The following KAT6B variants were observed in gnomAD, a reference collection of about 807,000 sequenced individuals.
KAT6B encodes the protein histone acetyltransferase KAT6B.
In KAT6B, 10 loss-of-function variants were observed where a neutral mutation model predicts 187.5. That is an observed-to-expected ratio of 0.05 (90% confidence interval 0.03 to 0.09). KAT6B has a LOEUF of 0.09. Among genes scored for constraint, KAT6B ranks in the 10% least tolerant of loss-of-function variants. The pLI is 1.00. For missense variants in KAT6B, 1,952 were observed against 2,558.9 expected (o/e 0.76, Z 5.12); for synonymous variants, 861 against 926.8 (o/e 0.93, Z 1.29).
At chr10:74,918,773 G>A (rs1847898783) in intron 3 of KAT6B, among the ~76,000 whole-genome samples, 1 of 152,042 alleles carries the variant, frequency 6.6e-6, no homozygotes, top group Non-Finnish European at 1.5e-5. Context: ...TTGAGTAGAG[G>A]TTTGCTGGCA....
intron 3 of KAT6B, among the ~76,000 whole-genome samples, chr10:74,915,354 A>G (rs58729858): frequency 0.023 from 3,429 of 152,232 alleles, 128 homozygotes; most frequent in African/African-American, 0.078. Flanking sequence ...TGTTCCATGC[A>G]CTTGTAGATC....
chr10:74,880,416 T>G lies in KAT6B; in HGVS notation c.621+36938T>G, dbSNP rs545543907. 2.4e-4 allele frequency among the ~76,000 whole-genome samples: 37 copies of G among 152,348 alleles called. No individual in the cohort carries two copies. In the East Asian group the frequency reaches 6.9e-3, roughly 29 times the overall value. ...TGTAGTATGTATCAGTACTTCATTC[T>G]TTATAACTGCCAAATAATAGTTCTT... is the stretch of plus-strand genomic sequence containing the variant. On this transcript the variant is annotated intron_variant, in intron 3 of 17. Transcript: ENST00000287239.
intron 2 of KAT6B, among the ~76,000 whole-genome samples, chr10:74,841,980 G>A (rs1029387514): frequency 6.6e-6 from 1 of 152,230 alleles, no homozygotes; most frequent in African/African-American, 2.4e-5. Context: ...TGGGTATTAA[G>A]ATAACTAGAA....
chr10:74,898,690 C>G (rs1490803682), intron 3 of KAT6B, among the ~76,000 whole-genome samples: 1 of 152,138 alleles, frequency 6.6e-6, no homozygotes, highest in Admixed American at 6.5e-5. Flanking sequence ...GGTGTCCTGG[C>G]TCTGTGTCCC....
At chr10:75,001,427 A>T (rs1428525414) in intron 13 of KAT6B, among the ~76,000 whole-genome samples, 2 of 152,206 alleles carry the variant, frequency 1.3e-5, no homozygotes, top group African/African-American at 4.8e-5. Context: ...GAAGAAAGCC[A>T]CATACTTCAT....
At chr10:74,901,433 T>A (rs1042158782) in intron 3 of KAT6B, among the ~76,000 whole-genome samples, 1 of 152,312 alleles carries the variant, frequency 6.6e-6, no homozygotes, top group Middle Eastern at 3.4e-3. Context: ...TGAGGCAAGA[T>A]GTGTGTGTAG....
In KAT6B at chr10:75,029,111, G is replaced by A; in HGVS notation, c.4287G>A (p.Glu1429=). 1 of 1,614,192 alleles carries A rather than the reference G, an allele frequency of 6.2e-7. No individual in the cohort carries two copies. The highest frequency in any genetic ancestry group is 1.1e-5 in the South Asian group (1 of 91,084). ...ACGAGGACCATGATGCCGATGACGAGGATGACAGCCACATGGAGTCTGCCG... is the reference window on the plus strand; with the variant it reads ...ACGAGGACCATGATGCCGATGACGAAGATGACAGCCACATGGAGTCTGCCG... ...SHNEDHDADD[E]DDSHMESAEV... is the part of the protein sequence containing the mutation. Residue 1429 remains glutamate (E), a synonymous_variant, in exon 18 of 18, where the codon GAG becomes GAA. Coordinates refer to ENST00000287239, the MANE Select transcript of KAT6B (RefSeq NM_012330.4). The surrounding 1 kb of genome is among the most constrained non-coding windows in gnomAD (Gnocchi z 6.2).
intron 3 of KAT6B, among the ~76,000 whole-genome samples, chr10:74,922,053 G>A (rs1205073972): frequency 6.6e-6 from 1 of 152,194 alleles, no homozygotes; most frequent in Non-Finnish European, 1.5e-5. Context: ...CCTACTGATA[G>A]GTCAGTAACC....
chr10:74,987,782 T>G (rs1201316060), intron 12 of KAT6B, among the ~76,000 whole-genome samples: 1 of 152,248 alleles, frequency 6.6e-6, no homozygotes, highest in South Asian at 2.1e-4. Flanking sequence ...GAAATGGTTC[T>G]GGACAAAGCA....
At chr10:74,968,847 A>G (rs1040775286) in intron 4 of KAT6B, among the ~76,000 whole-genome samples, 2 of 152,274 alleles carry the variant, frequency 1.3e-5, no homozygotes, top group South Asian at 2.1e-4. Context: ...ACACTGGCTC[A>G]TGGCTGGCTC....
At chr10:74,896,482 G>T (rs575967614) in intron 3 of KAT6B, among the ~76,000 whole-genome samples, 2 of 152,180 alleles carry the variant, frequency 1.3e-5, no homozygotes, top group South Asian at 2.1e-4. Flanking sequence ...TAGAGATGGG[G>T]TTTCACTATT....
intron 11 of KAT6B, 132 bp from the exon 12 acceptor site, chr10:74,984,948 A>G (rs1314957940): frequency 1.2e-6 from 1 of 818,058 alleles, no homozygotes; most frequent in Non-Finnish European, 2.0e-6. Flanking sequence ...CTTGCTTAAT[A>G]GAGTGTTTTA....
chr10:74,921,865 A>G (rs1391882249), intron 3 of KAT6B, among the ~76,000 whole-genome samples: 1 of 152,246 alleles, frequency 6.6e-6, no homozygotes, highest in Non-Finnish European at 1.5e-5. Context: ...TTAATGAGAC[A>G]TCGGTCATAG....
intron 15 of KAT6B, among the ~76,000 whole-genome samples, chr10:75,021,642 A>G (rs936882786): frequency 1.1e-4 from 16 of 152,218 alleles, no homozygotes; most frequent in Non-Finnish European, 2.2e-4. Context: ...GTAGTGATAA[A>G]GGACTCAAAT....
intron 2 of KAT6B, among the ~76,000 whole-genome samples, chr10:74,839,231 A>AT (rs55994102): frequency 2.8e-3 from 389 of 138,254 alleles, no homozygotes; most frequent in African/African-American, 5.4e-3. Context: ...TATGAAACAC[A>AT]TTTTTTTTTT....
chr10:74,876,851 T>A (rs747249058), intron 3 of KAT6B, among the ~76,000 whole-genome samples: 6 of 151,850 alleles, frequency 4.0e-5, no homozygotes, highest in Non-Finnish European at 7.4e-5. Context: ...AGACTGAGGC[T>A]GCAGTGAGCT....
At chr10:75,028,366 C>A in intron 17 of KAT6B, 123 bp from the exon 18 acceptor site, 1 of 1,454,108 alleles carries the variant, frequency 6.9e-7, no homozygotes. Context: ...TTACCATCAA[C>A]TTTTAACATG....
chr10:74,972,004 C>T lies in KAT6B; in HGVS notation c.929-503C>T, dbSNP rs914007175. Among the ~76,000 whole-genome samples, 77 of 152,020 alleles carry T rather than the reference C, an allele frequency of 5.1e-4. 1 individual carries two copies. Among genetic ancestry groups the T allele is most frequent in the Admixed American group, 2.0e-4 (3 of 15,274 alleles). On this transcript the variant is annotated intron_variant, in intron 6 of 17. Transcript: ENST00000287239. ...TTATCCATTGACCTATTTCTCTATG[C>T]TAGATGTATAGTTTGAATCATTGTA...
intron 3 of KAT6B, among the ~76,000 whole-genome samples, chr10:74,861,753 A>G (rs1029423139): frequency 6.6e-6 from 1 of 152,208 alleles, no homozygotes; most frequent in Non-Finnish European, 1.5e-5. Context: ...GTGCCTTTTT[A>G]CTGTTTATAA....
Sources: allele counts gnomAD v4.1 joint callset (sites outside exome capture counted in the v4.1 genomes callset), GRCh38; gene constraint gnomAD v4.1.1; non-coding constraint Gnocchi (gnomAD v3.1); transcripts MANE v1.5; gene names NCBI Gene and HGNC (gene_info 2026-07-23, HGNC 2026-07-21).